Variants in NPAS3 observed in about 807,000 individuals in gnomAD.
NPAS3 encodes the protein neuronal PAS domain-containing protein 3.
In NPAS3, 14 loss-of-function variants were observed where a neutral mutation model predicts 73.1. The observed-to-expected ratio is 0.19, with a 90% CI of 0.13 to 0.30. The LOEUF (loss-of-function observed/expected upper bound fraction) is 0.30, where lower values mean the gene tolerates loss of function less well. NPAS3 is among the 10% of genes least tolerant of loss of function. The pLI is 1.00. For missense variants in NPAS3, 1,096 were observed against 1,250.0 expected (o/e 0.88, Z 1.86); for synonymous variants, 620 against 541.5 (o/e 1.14, Z -2.01).
chr14:33,294,788 G>A lies in NPAS3; in HGVS notation c.386-72398G>A, dbSNP rs990710351. Among the ~76,000 whole-genome samples the A allele has an allele frequency of 4.6e-5, 7 of 152,160 alleles. No homozygotes were observed. In the East Asian group the frequency reaches 7.7e-4, roughly 17 times the overall value. On this transcript the variant is annotated intron_variant, in intron 3 of 11. Transcript: ENST00000356141. The stretch of plus-strand genomic sequence containing the variant: ...ATGTTGGGCCTTAAAAGATGAACAG[G>A]AATCACAAGTGCCCAAACTGGAAAG...
At chr14:33,337,271 C>T (rs2044270124) in intron 3 of NPAS3, among the ~76,000 whole-genome samples, 1 of 152,120 alleles carries the variant, frequency 6.6e-6, no homozygotes, top group Non-Finnish European at 1.5e-5. Context: ...CCAAAATTTA[C>T]TCAAATGTCC....
At chr14:33,732,121 A>G (rs1439354492) in intron 6 of NPAS3, among the ~76,000 whole-genome samples, 2 of 152,240 alleles carry the variant, frequency 1.3e-5, no homozygotes, top group East Asian at 3.9e-4. Context: ...CTTCTTAGAC[A>G]TAAACTGTTG....
intron 6 of NPAS3, among the ~76,000 whole-genome samples, chr14:33,704,273 T>A (rs1304408508): frequency 6.6e-6 from 1 of 152,224 alleles, no homozygotes; most frequent in Non-Finnish European, 1.5e-5. Flanking sequence ...TGTGTACATA[T>A]AATTTTTATC....
Position 33,253,540 on chromosome 14 carries a change from G to A in NPAS3, c.385+38114G>A, listed in dbSNP as rs562914722. Among the ~76,000 whole-genome samples, 10 of 152,006 alleles carry A rather than the reference G, an allele frequency of 6.6e-5. No individual in the cohort carries two copies. The South Asian group carries it at 2.1e-3, about 32-fold the overall frequency. ...TCCATTTCCTATGATTGCCCACTCT[G>A]CCAATTTTCACCCTGCTTATTACTA... On this transcript the variant is annotated intron_variant, in intron 3 of 11. Transcript: ENST00000356141.
At chr14:33,077,738 A>C in intron 2 of NPAS3, among the ~76,000 whole-genome samples, 1 of 123,902 alleles carries the variant, frequency 8.1e-6, no homozygotes, top group African/African-American at 2.9e-5. Flanking sequence ...TTTTAAAGTG[A>C]GTCAGTGTTG....
intron 1 of NPAS3, among the ~76,000 whole-genome samples, chr14:32,964,812 CA>C (rs35728329): frequency 8.0e-4 from 112 of 139,334 alleles, no homozygotes; most frequent in Middle Eastern, 3.8e-3. Flanking sequence ...CCTGTCTCTA[CA>C]AAAAAAAAAA....
intron 4 of NPAS3, among the ~76,000 whole-genome samples, chr14:33,455,253 A>C (rs1032436662): frequency 2.0e-5 from 3 of 152,208 alleles, no homozygotes; most frequent in African/African-American, 4.8e-5. Flanking sequence ...TTCTCTCATC[A>C]GTCTGACTCA....
At chr14:33,372,636 G>A (rs571309832) in intron 4 of NPAS3, among the ~76,000 whole-genome samples, 3 of 152,250 alleles carry the variant, frequency 2.0e-5, no homozygotes, top group South Asian at 2.1e-4. Context: ...GGCATGAATC[G>A]CAGGACAGCA....
At chr14:33,718,510 A>T (rs904299226) in intron 6 of NPAS3, among the ~76,000 whole-genome samples, 3 of 152,174 alleles carry the variant, frequency 2.0e-5, no homozygotes, top group Non-Finnish European at 2.9e-5. Flanking sequence ...GAAATCTGTT[A>T]TCCAAAATCA....
intron 5 of NPAS3, among the ~76,000 whole-genome samples, chr14:33,625,538 T>A (rs558227142): frequency 1.3e-5 from 2 of 152,198 alleles, no homozygotes; most frequent in Admixed American, 6.5e-5. Flanking sequence ...AACAACTATA[T>A]GCAGTAGAGG....
At chr14:33,415,557 C>CA (rs1223498775) in intron 4 of NPAS3, among the ~76,000 whole-genome samples, 2 of 152,124 alleles carry the variant, frequency 1.3e-5, no homozygotes, top group Non-Finnish European at 2.9e-5. Context: ...ATATGTAAAT[C>CA]ACATGCACCC....
intron 4 of NPAS3, among the ~76,000 whole-genome samples, chr14:33,484,448 G>GGCTT (rs772804257): frequency 1.3e-5 from 2 of 152,112 alleles, no homozygotes; most frequent in East Asian, 3.9e-4. Flanking sequence ...TGTTTTACAG[G>GGCTT]GCTTGACCTG....
intron 3 of NPAS3, among the ~76,000 whole-genome samples, chr14:33,314,599 A>G (rs2043134982): frequency 1.3e-5 from 2 of 152,106 alleles, no homozygotes; most frequent in Non-Finnish European, 1.5e-5. Flanking sequence ...TAATTGGATA[A>G]TAGATTATCA....
At chr14:33,679,461 A>G (rs1271537252) in intron 6 of NPAS3, among the ~76,000 whole-genome samples, 1 of 151,988 alleles carries the variant, frequency 6.6e-6, no homozygotes. Flanking sequence ...TTTTAACAAG[A>G]TTTCCTAATT....
intron 3 of NPAS3, among the ~76,000 whole-genome samples, chr14:33,255,950 AAAGGATAGCTAGAAATTATTTG>A (rs1483352925): frequency 1.3e-5 from 2 of 152,188 alleles, no homozygotes; most frequent in African/African-American, 4.8e-5. Flanking sequence ...CTTTAGGCTA[AAAGGATAGCTAGAAATTATTTG>A]TTTATGTAAA....
intron 6 of NPAS3, among the ~76,000 whole-genome samples, chr14:33,723,654 A>G (rs904331376): frequency 6.6e-6 from 1 of 151,264 alleles, no homozygotes; most frequent in Non-Finnish European, 1.5e-5. Context: ...GTCACCATGC[A>G]CTGCTTCTGC....
chr14:33,407,335 G>A (rs1008345176), intron 4 of NPAS3, among the ~76,000 whole-genome samples: 3 of 152,054 alleles, frequency 2.0e-5, no homozygotes, highest in Non-Finnish European at 4.4e-5. Context: ...TTTCTCTAGG[G>A]ATTTTGGTAC....
chr14:33,492,185 G>A (rs1211205831), intron 4 of NPAS3, among the ~76,000 whole-genome samples: 7 of 152,154 alleles, frequency 4.6e-5, no homozygotes, highest in South Asian at 4.1e-4. Flanking sequence ...TAAGACTTAC[G>A]CTCACATATC....
At chr14:33,061,063 G>A (rs929583642) in intron 2 of NPAS3, among the ~76,000 whole-genome samples, 1 of 152,186 alleles carries the variant, frequency 6.6e-6, no homozygotes, top group East Asian at 1.9e-4. Flanking sequence ...GAGGGAACGT[G>A]CCAGTCTTTA....
Sources: gnomAD v4.1 joint callset for allele counts (sites outside exome capture counted in the v4.1 genomes callset) on GRCh38, gnomAD v4.1.1 for gene constraint, MANE v1.5 for transcripts, NCBI Gene and HGNC (gene_info 2026-07-23, HGNC 2026-07-21) for gene names.